Variants in NSUN6 observed in about 807,000 individuals in gnomAD.
NSUN6 encodes the protein NOP2/Sun RNA methyltransferase 6.
In NSUN6, 64 loss-of-function variants were observed where a neutral mutation model predicts 58.0. The ratio of observed to expected loss-of-function variants is 1.10; its 90% CI spans 0.90 to 1.36. The LOEUF is 1.36. NSUN6 is among the 40% of genes most tolerant of loss of function. NSUN6 has a pLI of 0.00. For synonymous variants in NSUN6, 231 were observed against 193.9 expected, an observed-to-expected ratio of 1.19 and a Z score of -1.59; for missense variants, 701 against 550.1, an observed-to-expected ratio of 1.27 and a Z score of -2.74.
intron 9 of NSUN6, chr10:18,551,581 T>C (rs11014831): frequency 0.053 from 19,197 of 364,220 alleles, 725 homozygotes; most frequent in Non-Finnish European, 0.073. Flanking sequence ...TTACTGAGCA[T>C]AATGTTTTCC....
At chr10:18,548,876 C>CT (rs1267234236) in intron 9 of NSUN6, among the ~76,000 whole-genome samples, 1 of 152,188 alleles carries the variant, frequency 6.6e-6, no homozygotes, top group Non-Finnish European at 1.5e-5. Flanking sequence ...CTTTATGCCT[C>CT]TTTTTCTGAC....
chr10:18,616,279 T>G lies in NSUN6; in HGVS notation c.326A>C (p.Lys109Thr). Residue 109 changes from lysine (K) to threonine (T), a missense_variant, in exon 4 of 11, where the codon AAA (lysine) becomes ACA (threonine). Transcript: ENST00000377304. ...TCCAACAATGGCTTCACACTGTTGT[T>G]TTTTAATATTCTTTCTAGAAATGTA... ...PVIGPRKNIK[K>T]QQCEAIVGAQ... 1 of 1,602,376 alleles carries G rather than the reference T, an allele frequency of 6.2e-7. No homozygotes were observed. Among genetic ancestry groups the G allele is most frequent in the South Asian group, 1.1e-5 (1 of 90,788 alleles).
At chr10:18,586,121 AG>A in intron 7 of NSUN6, 28 bp from the exon 8 acceptor site, 2 of 1,492,322 alleles carry the variant, frequency 1.3e-6, no homozygotes. Context: ...ACACACATGC[AG>A]AAAAAAAAAA....
chr10:18,624,136 A>C (rs2058704893), intron 3 of NSUN6, among the ~76,000 whole-genome samples: 1 of 152,086 alleles, frequency 6.6e-6, no homozygotes, highest in Non-Finnish European at 1.5e-5. Flanking sequence ...TTAAAGGAAA[A>C]ACCTCAAAAA....
chr10:18,604,819 G>T (rs1400729715), intron 6 of NSUN6, among the ~76,000 whole-genome samples: 1 of 151,754 alleles, frequency 6.6e-6, no homozygotes, highest in Non-Finnish European at 1.5e-5. Flanking sequence ...CCAGGAGGGG[G>T]AGGTTGCAGT....
At chr10:18,570,500 TC>T (rs1368643338) in intron 8 of NSUN6, among the ~76,000 whole-genome samples, 1 of 147,590 alleles carries the variant, frequency 6.8e-6, no homozygotes, top group African/African-American at 2.5e-5. Context: ...TTCCATTCCA[TC>T]CTCCTTTCCA....
At chr10:18,573,289 C>CCCATTCCATTCTCCATT (rs1300703707) in intron 8 of NSUN6, among the ~76,000 whole-genome samples, 3 of 146,028 alleles carry the variant, frequency 2.1e-5, no homozygotes, top group African/African-American at 7.6e-5. Context: ...CATACTCCAT[C>CCCATTCCATTCTCCATT]CCATTCCATT....
chr10:18,650,600 T>C (rs181414635), intron 1 of NSUN6, among the ~76,000 whole-genome samples: 1 of 152,344 alleles, frequency 6.6e-6, no homozygotes, highest in East Asian at 1.9e-4. Context: ...CCTCCAGATT[T>C]CAATAGTTAC....
At chr10:18,642,388 C>G (rs1590182361) in intron 3 of NSUN6, 88 bp downstream of exon 3, 1 of 684,802 alleles carries the variant, frequency 1.5e-6, no homozygotes, top group East Asian at 2.6e-5. Context: ...AATGGAGAAA[C>G]TTAGTATTAT....
intron 8 of NSUN6, among the ~76,000 whole-genome samples, chr10:18,568,067 T>C (rs935753786): frequency 2.6e-5 from 4 of 151,140 alleles, no homozygotes; most frequent in Non-Finnish European, 5.9e-5. Flanking sequence ...CATTTTCCGT[T>C]CCATTCCATT....
intron 6 of NSUN6, among the ~76,000 whole-genome samples, chr10:18,601,460 G>C (rs1398477812): frequency 6.6e-6 from 1 of 152,028 alleles, no homozygotes; most frequent in African/African-American, 2.4e-5. Context: ...GTGTTTCAGT[G>C]TATGTTCAGC....
intron 8 of NSUN6, among the ~76,000 whole-genome samples, chr10:18,567,354 C>T (rs2056032573): frequency 7.0e-6 from 1 of 143,062 alleles, no homozygotes; most frequent in African/African-American, 2.9e-5. Flanking sequence ...TTCTATTCTC[C>T]ATTCCATTCC....
upstream of NSUN6, chr10:18,653,047 T>A (rs2059736239): frequency 1.0e-6 from 1 of 983,586 alleles, no homozygotes; most frequent in East Asian, 1.1e-4. Context: ...CTGAAAGTGA[T>A]AAATGTCTAA....
upstream of NSUN6, among the ~76,000 whole-genome samples, chr10:18,654,256 C>T (rs879671384): frequency 7.7e-3 from 1,177 of 152,268 alleles, 6 homozygotes; most frequent in Admixed American, 0.012. Context: ...CCACCATGCC[C>T]AGCTAGACAG....
At chr10:18,583,401 T>G (rs762173292) in intron 8 of NSUN6, among the ~76,000 whole-genome samples, 1 of 152,158 alleles carries the variant, frequency 6.6e-6, no homozygotes, top group African/African-American at 2.4e-5. Flanking sequence ...TGGTGGTCTC[T>G]TCACACAGAC....
At chr10:18,638,100 A>T (rs2059276119) in intron 3 of NSUN6, among the ~76,000 whole-genome samples, 1 of 152,160 alleles carries the variant, frequency 6.6e-6, no homozygotes, top group African/African-American at 2.4e-5. Context: ...TCTTTAGGAA[A>T]ACTAAATAAA....
chr10:18,645,666 A>G (rs1039187259), intron 2 of NSUN6, among the ~76,000 whole-genome samples: 1 of 152,182 alleles, frequency 6.6e-6, no homozygotes, highest in East Asian at 1.9e-4. Context: ...TTTGATTATT[A>G]TGAGTAGTGC....
At chr10:18,631,960 G>C (rs376248025) in intron 3 of NSUN6, among the ~76,000 whole-genome samples, 9 of 152,124 alleles carry the variant, frequency 5.9e-5, no homozygotes, top group Admixed American at 1.3e-4. Flanking sequence ...AATCCTAAGC[G>C]AAAAGAACAA....
At chr10:18,645,025 G>C (rs1237961091) in intron 2 of NSUN6, among the ~76,000 whole-genome samples, 3 of 151,546 alleles carry the variant, frequency 2.0e-5, no homozygotes, top group Non-Finnish European at 4.4e-5. Context: ...GGGTGTCTTT[G>C]AGCGCACCTG....
Sources: gnomAD v4.1 joint callset for allele counts (sites outside exome capture counted in the v4.1 genomes callset) on GRCh38, gnomAD v4.1.1 for gene constraint, MANE v1.5 for transcripts, NCBI Gene and HGNC (gene_info 2026-07-23, HGNC 2026-07-21) for gene names.